PTDSS1: variants seen among roughly 807,000 people sequenced by gnomAD.
The protein encoded by PTDSS1 is PSS-1.
PTDSS1 carries 45 observed loss-of-function variants against 70.5 expected under a neutral mutation model. The ratio of observed to expected loss-of-function variants is 0.64; its 90% CI spans 0.50 to 0.82. The LOEUF is 0.82. Ranked by LOEUF, PTDSS1 falls within the 40% of genes least tolerant of loss-of-function variation. The pLI, the probability that PTDSS1 is intolerant of heterozygous loss-of-function variation, is 0.00. For synonymous variants in PTDSS1, 188 were observed against 203.8 expected, an observed-to-expected ratio of 0.92 and a Z score of 0.66; for missense variants, 417 against 586.1, an observed-to-expected ratio of 0.71 and a Z score of 2.98.
chr8:96,307,248 A>C (rs1811138304), intron 8 of PTDSS1, among the ~76,000 whole-genome samples: 1 of 152,166 alleles, frequency 6.6e-6, no homozygotes. Context: ...GCAACACCAA[A>C]GATCTGCCAA....
chr8:96,273,996 A>G (rs1005585687), intron 2 of PTDSS1, among the ~76,000 whole-genome samples: 2 of 152,222 alleles, frequency 1.3e-5, no homozygotes, highest in African/African-American at 2.4e-5. Flanking sequence ...GTGTTCTGCC[A>G]TGCTCATAAT....
rs1454845949 is a variant in PTDSS1 at position 96,335,232 on chromosome 8, G to C, written c.*1666G>C. On this transcript the variant is annotated 3_prime_UTR_variant, in exon 13 of 13. Transcript: ENST00000517309. ...AGTGCGTGTTTCATAAAACCTGCCTGCACTTTTATAACCCATCAAAGAGGC... is the reference window on the plus strand; with the variant it reads ...AGTGCGTGTTTCATAAAACCTGCCTCCACTTTTATAACCCATCAAAGAGGC... The C allele has an allele frequency of 6.6e-6, 1 of 152,176 alleles. No homozygotes were observed. The highest frequency in any genetic ancestry group is 1.5e-5 in the Non-Finnish European group (1 of 68,026). The allele number at this position is 152,176 out of a possible 1,614,324, so 9.4% of individuals were successfully genotyped here.
At chr8:96,314,238 G>T (rs7839347) in intron 9 of PTDSS1, among the ~76,000 whole-genome samples, 65,791 of 151,858 alleles carry the variant, frequency 0.43, 14,710 homozygotes, top group Middle Eastern at 0.47. Context: ...GTAGAGACAG[G>T]GTTTCACCAT....
At chr8:96,289,754 A>T (rs779869949) in intron 4 of PTDSS1, among the ~76,000 whole-genome samples, 6 of 152,226 alleles carry the variant, frequency 3.9e-5, no homozygotes, top group Non-Finnish European at 8.8e-5. Flanking sequence ...CCCCATGGTG[A>T]CATTGGTCAA....
Position 96,299,676 on chromosome 8 carries a change from G to T in PTDSS1, c.601-18G>T. The T allele has an allele frequency of 6.3e-7, 1 of 1,588,484 alleles. No individual in the cohort carries two copies. On this transcript the variant is annotated intron_variant, in intron 5 of 12. Transcript: ENST00000517309. Reference sequence around the variant, plus strand: ...AGTTTTGTTTATTTTTCCAACCATGGGCTCTTGTGTTTCTCAGCTCTTCTT... The same window carrying T: ...AGTTTTGTTTATTTTTCCAACCATGTGCTCTTGTGTTTCTCAGCTCTTCTT...
chr8:96,264,261 T>C (rs921816127), intron 1 of PTDSS1, among the ~76,000 whole-genome samples: 1 of 152,264 alleles, frequency 6.6e-6, no homozygotes, highest in Non-Finnish European at 1.5e-5. Context: ...ATCAATACAT[T>C]AATCTGTCGG....
intron 3 of PTDSS1, 114 bp from the exon 4 acceptor site, chr8:96,286,908 C>T (rs1810830414): frequency 7.6e-7 from 1 of 1,308,654 alleles, no homozygotes; most frequent in East Asian, 2.3e-5. Context: ...TCTTGACAGG[C>T]TGTGCTGCAA....
rs1187877524 is a variant in PTDSS1 at position 96,269,638 on chromosome 8, A to G, written c.180-3661A>G. 2.0e-5 allele frequency among the ~76,000 whole-genome samples: 3 copies of G among 152,342 alleles called. No individual in the cohort carries two copies. The East Asian group carries it at 5.8e-4, about 29-fold the overall frequency. ...CCACACTGCAGCCTCACAAAGCCGT[A>G]GGAGACAATTACAATCCCACCAAGG... On this transcript the variant is annotated intron_variant, in intron 1 of 12. Transcript: ENST00000517309.
intron 4 of PTDSS1, 60 bp downstream of exon 4, chr8:96,287,206 G>A (rs1586190248): frequency 5.1e-6 from 8 of 1,568,224 alleles, no homozygotes; most frequent in Non-Finnish European, 6.1e-6. Flanking sequence ...GGTGTAAGAG[G>A]TAATAGACTT....
intron 10 of PTDSS1, among the ~76,000 whole-genome samples, chr8:96,328,100 A>G (rs1024124325): frequency 6.6e-6 from 1 of 152,008 alleles, no homozygotes; most frequent in African/African-American, 2.4e-5. Flanking sequence ...CGCTGGAGGG[A>G]GCGGCAGCTG....
At chr8:96,311,778 G>C (rs933347490) in intron 9 of PTDSS1, among the ~76,000 whole-genome samples, 1 of 152,198 alleles carries the variant, frequency 6.6e-6, no homozygotes, top group East Asian at 1.9e-4. Context: ...TATAGCAGGA[G>C]GGAGAATTCA....
chr8:96,271,566 A>G (rs1192391437), intron 1 of PTDSS1, among the ~76,000 whole-genome samples: 1 of 152,228 alleles, frequency 6.6e-6, no homozygotes, highest in Non-Finnish European at 1.5e-5. Flanking sequence ...TAAATACCCG[A>G]AAGTAAAATT....
At position 96,262,031 on chromosome 8, in the gene PTDSS1, G is replaced by A. The variant is rs758732581; in HGVS notation, c.-10G>A. 3 of 1,609,660 alleles carry A rather than the reference G, an allele frequency of 1.9e-6. No individual in the cohort carries two copies. The highest frequency in any genetic ancestry group is 2.5e-6 in the Non-Finnish European group (3 of 1,177,706). ...GCCGCCGCCACCGCGGCAGGACGGG[G>A]AGGCGGGCCATGGCGTCCTGCGTGG... On this transcript the variant is annotated 5_prime_UTR_variant, in exon 1 of 13. Coordinates refer to ENST00000517309, the MANE Select transcript of PTDSS1 (RefSeq NM_014754.3). This position sits in a 1 kb window ranked among gnomAD's most constrained non-coding sequence, Gnocchi z 4.4.
intron 6 of PTDSS1, among the ~76,000 whole-genome samples, chr8:96,302,597 T>G (rs1004736376): frequency 5.0e-5 from 7 of 139,178 alleles, no homozygotes; most frequent in Non-Finnish European, 9.6e-5. Flanking sequence ...TGTTGTTGTT[T>G]TTGAGGCATA....
At chr8:96,306,187 C>T (rs1396919416) in intron 7 of PTDSS1, among the ~76,000 whole-genome samples, 4 of 152,158 alleles carry the variant, frequency 2.6e-5, no homozygotes, top group Non-Finnish European at 5.9e-5. Context: ...GGAAACATGA[C>T]AAATAGCTGA....
rs534842464 is a variant in PTDSS1, at chr8:96,327,531, G to A, written c.1174-2682G>A. Among the ~76,000 whole-genome samples the A allele has an allele frequency of 2.1e-4, 32 of 152,190 alleles. No individual in the cohort carries two copies. The South Asian group carries it at 2.5e-3, about 12-fold the overall frequency. Reference sequence around the variant, plus strand: ...TGATCGCAGACTCAGGAGTAGAGGCGAACATTATTCAATAAGAGAGCTTCA... The same window carrying A: ...TGATCGCAGACTCAGGAGTAGAGGCAAACATTATTCAATAAGAGAGCTTCA... On this transcript the variant is annotated intron_variant, in intron 10 of 12. Transcript: ENST00000517309.
chr8:96,274,567 A>T (rs1810613581), intron 2 of PTDSS1, among the ~76,000 whole-genome samples: 1 of 152,140 alleles, frequency 6.6e-6, no homozygotes, highest in Non-Finnish European at 1.5e-5. Context: ...CTCTACTAAA[A>T]ATACAAAATT....
chr8:96,307,984 C>T (rs1480982306), intron 8 of PTDSS1, among the ~76,000 whole-genome samples: 3 of 152,198 alleles, frequency 2.0e-5, no homozygotes, highest in Non-Finnish European at 4.4e-5. Flanking sequence ...TTCCTGTGCC[C>T]TTACACTGTT....
At chr8:96,311,251 CTG>C (rs1563578467) in intron 9 of PTDSS1, among the ~76,000 whole-genome samples, 4 of 152,176 alleles carry the variant, frequency 2.6e-5, no homozygotes, top group Admixed American at 2.6e-4. Context: ...TCCAGCAAAT[CTG>C]TACATGAAGT....
Sources: gnomAD v4.1 joint callset for allele counts (sites outside exome capture counted in the v4.1 genomes callset) on GRCh38, gnomAD v4.1.1 for gene constraint, Gnocchi (gnomAD v3.1) non-coding constraint, MANE v1.5 for transcripts, NCBI Gene and HGNC (gene_info 2026-07-23, HGNC 2026-07-21) for gene names.